TCF7: variants seen among roughly 807,000 people sequenced by gnomAD.
TCF7 encodes T-cell-factor-7.
A neutral mutation model predicts 46.8 loss-of-function variants in TCF7; 19 were observed. The observed-to-expected ratio is 0.41, with a 90% confidence interval of 0.28 to 0.60. The LOEUF (loss-of-function observed/expected upper bound fraction) is 0.60. TCF7 is among the 20% of genes least tolerant of loss of function. The pLI, the probability that TCF7 is intolerant of heterozygous loss-of-function variation, is 0.35. For synonymous variants in TCF7, 245 were observed against 213.4 expected (o/e 1.15, Z -1.29); for missense variants, 547 against 504.6 (o/e 1.08, Z -0.81).
chr5:134,139,250 A>G, intron 5 of TCF7: 1 of 672,004 alleles, frequency 1.5e-6, no homozygotes. Flanking sequence ...AGCCTGACAT[A>G]CTCCCTTTGG....
intron 3 of TCF7, among the ~76,000 whole-genome samples, chr5:134,127,481 G>A (rs929648285): frequency 3.9e-5 from 6 of 152,238 alleles, no homozygotes. Context: ...TCCTGATGCA[G>A]CTCAGTGCCT....
Position 134,114,911 on chromosome 5 carries a change from C to A in TCF7, c.5C>A (p.Pro2Gln). The change falls in exon 1 of 10, where the codon CCG becomes CAG. Residue 2 changes from proline (P) to glutamine (Q), a missense_variant. By Grantham distance (76) the Pro-to-Gln change is moderately conservative (BLOSUM62 -1). Around this residue, in one of 3 missense-constraint regions of TCF7, gnomAD observed 425 missense variants for 349.9 expected, o/e 1.21. Coordinates refer to ENST00000342854, the MANE Select transcript of TCF7 (RefSeq NM_003202.5). M[P>Q]QLDSGGGGAG... ...CCCCGGCGGGCGGAGCGCACCATGCCGCAGCTGGACTCCGGCGGGGGCGGC... is the reference window on the plus strand; with the variant it reads ...CCCCGGCGGGCGGAGCGCACCATGCAGCAGCTGGACTCCGGCGGGGGCGGC... 2.0e-6 allele frequency: 2 copies of A among 1,023,500 alleles called. No homozygotes were observed. The highest frequency in any genetic ancestry group is 7.5e-5 in the South Asian group (2 of 26,714). 63.4% of individuals were successfully genotyped at this position (1,023,500 alleles called of 1,614,324 possible). A position where few individuals can be genotyped will look rare whatever the true frequency, so the allele number is the denominator to read the frequency against.
intron 3 of TCF7, among the ~76,000 whole-genome samples, chr5:134,117,144 C>T (rs1755942449): frequency 6.6e-6 from 1 of 152,248 alleles, no homozygotes; most frequent in Non-Finnish European, 1.5e-5. Context: ...GAAATGAGCT[C>T]CTTGCCCTTT....
chr5:134,143,284 A>G, intron 8 of TCF7, 184 bp downstream of exon 8: 3 of 752,520 alleles, frequency 4.0e-6, no homozygotes, highest in Non-Finnish European at 7.1e-6. Context: ...CCTATTCTCC[A>G]CTCCAGAATA....
intron 3 of TCF7, among the ~76,000 whole-genome samples, chr5:134,135,571 C>T (rs1020230872): frequency 2.0e-5 from 3 of 152,114 alleles, no homozygotes; most frequent in African/African-American, 7.2e-5. Flanking sequence ...ACTCCAAGAT[C>T]TTTAGTCTGA....
chr5:134,139,699 T>A (rs1204609322), intron 5 of TCF7: 1 of 152,472 alleles, frequency 6.6e-6, no homozygotes, highest in Non-Finnish European at 1.5e-5. Context: ...TCATCAACGA[T>A]AGTTTGAGCT....
At chr5:134,124,791 G>A (rs1757113834) in intron 3 of TCF7, among the ~76,000 whole-genome samples, 1 of 152,212 alleles carries the variant, frequency 6.6e-6, no homozygotes, top group Non-Finnish European at 1.5e-5. Flanking sequence ...TGGATGGGCA[G>A]GACGTGGCCC....
rs960953180 is a variant in TCF7 at position 134,142,627 on chromosome 5, A to C, written c.756-94A>C. ...CACTTAGAAAACTCTGGTATCATAC[A>C]CTTAGGCACACTCTAGGCCCACGCT... On this transcript the variant is annotated intron_variant, in intron 6 of 9. Transcript: ENST00000342854. The C allele has an allele frequency of 6.0e-6, 9 of 1,490,054 alleles. No individual in the cohort carries two copies. In the East Asian group the frequency reaches 1.4e-4, roughly 23 times the overall value. The allele number at this position is 1,490,054 out of a possible 1,614,324, so 92.3% of individuals were successfully genotyped here. A position where few individuals can be genotyped will look rare whatever the true frequency, so the allele number is the denominator to read the frequency against.
intron 3 of TCF7, among the ~76,000 whole-genome samples, chr5:134,119,021 T>C (rs1756217056): frequency 6.6e-6 from 1 of 152,162 alleles, no homozygotes; most frequent in South Asian, 2.1e-4. Context: ...TCTGCTCTGC[T>C]CTGAGACCTG....
chr5:134,143,457 A>G (rs1212488153), intron 8 of TCF7, 135 bp from the exon 9 acceptor site: 1 of 1,051,170 alleles, frequency 9.5e-7, no homozygotes, highest in East Asian at 2.4e-5. Flanking sequence ...ACCAGCAATC[A>G]AGAAACACCA....
At chr5:134,117,761 A>G (rs1379415020) in intron 3 of TCF7, among the ~76,000 whole-genome samples, 1 of 152,106 alleles carries the variant, frequency 6.6e-6, no homozygotes, top group South Asian at 2.1e-4. Flanking sequence ...AGTCTTTCTC[A>G]AGCTACAGCA....
chr5:134,146,601 G>T lies in TCF7; in HGVS notation c.*298G>T, dbSNP rs919788712. Reference sequence around the variant, plus strand: ...ACCCAGATCTCATGGAAACTGGCCAGGGGTCCTGTTAACGTCATCTCAGGG... The same window carrying T: ...ACCCAGATCTCATGGAAACTGGCCATGGGTCCTGTTAACGTCATCTCAGGG... On this transcript the variant is annotated 3_prime_UTR_variant, in exon 10 of 10. Coordinates refer to ENST00000342854, the MANE Select transcript of TCF7 (RefSeq NM_003202.5). The T allele has an allele frequency of 1.5e-6, 1 of 688,970 alleles. No individual in the cohort carries two copies. Among genetic ancestry groups the T allele is most frequent in the Non-Finnish European group, 2.6e-6 (1 of 378,422 alleles). 42.7% of individuals were successfully genotyped at this position (688,970 alleles called of 1,614,324 possible).
At chr5:134,123,060 G>A (rs760683948) in intron 3 of TCF7, among the ~76,000 whole-genome samples, 4 of 152,246 alleles carry the variant, frequency 2.6e-5, no homozygotes, top group Non-Finnish European at 5.9e-5. Flanking sequence ...GTTCTCACCT[G>A]TATGGGTCAG....
intron 3 of TCF7, among the ~76,000 whole-genome samples, chr5:134,121,469 A>G (rs1756566400): frequency 6.6e-6 from 1 of 151,870 alleles, no homozygotes; most frequent in South Asian, 2.1e-4. Context: ...CTGTAATCCC[A>G]GCTACTCTAC....
intron 3 of TCF7, among the ~76,000 whole-genome samples, chr5:134,121,751 C>G (rs1437438507): frequency 1.3e-5 from 2 of 152,174 alleles, no homozygotes; most frequent in African/African-American, 2.4e-5. Flanking sequence ...GCCTTCTTTC[C>G]CAGTGTGAAT....
intron 3 of TCF7, 36 bp downstream of exon 3, chr5:134,116,069 T>C: frequency 6.3e-7 from 1 of 1,590,494 alleles, no homozygotes; most frequent in Non-Finnish European, 8.6e-7. Context: ...GCCCTGTGCT[T>C]GCAGCCTCCT....
upstream of TCF7, among the ~76,000 whole-genome samples, chr5:134,113,970 G>C (rs36203744): frequency 0.019 from 2,880 of 152,310 alleles, 97 homozygotes; most frequent in African/African-American, 0.065. Flanking sequence ...CGAGTTGGGA[G>C]AGTCATAGGG....
At chr5:134,140,901 C>T (rs1352753869) in intron 5 of TCF7, 1 of 401,076 alleles carries the variant, frequency 2.5e-6, no homozygotes, top group Non-Finnish European at 5.0e-6. Context: ...GAGTCCCCTA[C>T]ACTGCAGCTA....
upstream of TCF7, among the ~76,000 whole-genome samples, chr5:134,109,770 CAAAAAAAAAAA>C (rs59510685): frequency 1.1e-3 from 158 of 140,016 alleles, no homozygotes; most frequent in Non-Finnish European, 1.1e-3. Flanking sequence ...GGCTCCATCT[CAAAAAAAAAAA>C]AAAAAAAAAA....
Sources: allele counts gnomAD v4.1 joint callset (sites outside exome capture counted in the v4.1 genomes callset), GRCh38; gene constraint gnomAD v4.1.1; regional missense constraint gnomAD v4.1.1; transcripts MANE v1.5; gene names NCBI Gene and HGNC (gene_info 2026-07-23, HGNC 2026-07-21).